Variants in UNC5C observed in about 807,000 individuals in gnomAD.
UNC5C encodes unc-5 netrin receptor C.
Under a neutral mutation model 99.8 loss-of-function variants are expected in UNC5C, and 47 were observed. The observed-to-expected ratio is 0.47, with a 90% CI of 0.37 to 0.60. The LOEUF (loss-of-function observed/expected upper bound fraction) is 0.60. UNC5C is among the 20% of genes least tolerant of loss of function. UNC5C has a pLI of 0.00. For synonymous variants in UNC5C, 487 were observed against 452.2 expected, an observed-to-expected ratio of 1.08 and a Z score of -0.98; for missense variants, 1,062 against 1,165.9, an observed-to-expected ratio of 0.91 and a Z score of 1.30.
intron 2 of UNC5C, among the ~76,000 whole-genome samples, chr4:95,305,732 C>G (rs1409195974): frequency 6.6e-6 from 1 of 152,074 alleles, no homozygotes; most frequent in Non-Finnish European, 1.5e-5. Flanking sequence ...AGTTTGGGAG[C>G]CAGAGTGCAG....
intron 1 of UNC5C, among the ~76,000 whole-genome samples, chr4:95,449,718 C>T (rs1747227801): frequency 6.6e-6 from 1 of 152,140 alleles, no homozygotes; most frequent in Non-Finnish European, 1.5e-5. Flanking sequence ...CATATAAACC[C>T]TGTACAGAAC....
intron 1 of UNC5C, among the ~76,000 whole-genome samples, chr4:95,340,656 A>G (rs1014573079): frequency 6.6e-6 from 1 of 152,134 alleles, no homozygotes; most frequent in Non-Finnish European, 1.5e-5. Context: ...TCTAACTTCA[A>G]AACAAACTTT....
intron 1 of UNC5C, among the ~76,000 whole-genome samples, chr4:95,370,845 A>G (rs569876296): frequency 6.6e-6 from 1 of 152,308 alleles, no homozygotes; most frequent in South Asian, 2.1e-4. Context: ...TGGGTTGTAC[A>G]AAAGAGTATG....
chr4:95,268,414 C>A (rs1740533047), intron 4 of UNC5C, among the ~76,000 whole-genome samples: 1 of 152,176 alleles, frequency 6.6e-6, no homozygotes, highest in Admixed American at 6.5e-5. Context: ...CAATTAAATT[C>A]TTTGCAGAGA....
chr4:95,319,518 T>C (rs1353756805), intron 2 of UNC5C, among the ~76,000 whole-genome samples: 1 of 152,226 alleles, frequency 6.6e-6, no homozygotes, highest in Non-Finnish European at 1.5e-5. Context: ...ACCCTGATAG[T>C]TGGCAAATGG....
chr4:95,466,310 G>T (rs1747776242), intron 1 of UNC5C, among the ~76,000 whole-genome samples: 1 of 152,128 alleles, frequency 6.6e-6, no homozygotes, highest in African/African-American at 2.4e-5. Flanking sequence ...CCGTTGCGGA[G>T]CTTAAAATCT....
chr4:95,178,151 C>T (rs867644946), intron 14 of UNC5C, among the ~76,000 whole-genome samples: 57 of 152,326 alleles, frequency 3.7e-4, no homozygotes, highest in Middle Eastern at 3.4e-3. Flanking sequence ...CAGGTTGCCC[C>T]GTCCTTACCG....
intron 1 of UNC5C, among the ~76,000 whole-genome samples, chr4:95,495,107 A>G (rs1224026546): frequency 6.6e-6 from 1 of 151,612 alleles, no homozygotes; most frequent in Non-Finnish European, 1.5e-5. Flanking sequence ...ATGTTTCCCT[A>G]GTGCCTCATA....
At chr4:95,452,757 G>T (rs369642229) in intron 1 of UNC5C, among the ~76,000 whole-genome samples, 10 of 152,270 alleles carry the variant, frequency 6.6e-5, no homozygotes, top group African/African-American at 2.4e-4. Flanking sequence ...GAGCATTGAG[G>T]TTTAAAGAAT....
intron 1 of UNC5C, among the ~76,000 whole-genome samples, chr4:95,398,600 T>C (rs1745594213): frequency 6.6e-6 from 1 of 152,196 alleles, no homozygotes; most frequent in African/African-American, 2.4e-5. Context: ...CTCATTTTAA[T>C]TACTAGGTTA....
intron 1 of UNC5C, among the ~76,000 whole-genome samples, chr4:95,405,728 A>G (rs367609885): frequency 2.0e-5 from 3 of 152,342 alleles, no homozygotes; most frequent in South Asian, 4.1e-4. Context: ...ACCGAAGTCC[A>G]GGTCTCCTGT....
chr4:95,251,931 G>C (rs2149382463), intron 4 of UNC5C, among the ~76,000 whole-genome samples: 1 of 152,314 alleles, frequency 6.6e-6, no homozygotes. Flanking sequence ...TGAGGTTGTA[G>C]AGTAGAGAAA....
chr4:95,454,533 C>A (rs1043506437), intron 1 of UNC5C, among the ~76,000 whole-genome samples: 38 of 151,988 alleles, frequency 2.5e-4, no homozygotes, highest in African/African-American at 8.5e-4. Context: ...ATGATGCAAG[C>A]AATTTTTCAA....
intron 2 of UNC5C, among the ~76,000 whole-genome samples, chr4:95,314,763 T>C (rs898791995): frequency 1.1e-4 from 16 of 152,202 alleles, no homozygotes; most frequent in Non-Finnish European, 5.9e-5. Context: ...GTGGTTTCAG[T>C]TTTATCTCTT....
intron 1 of UNC5C, among the ~76,000 whole-genome samples, chr4:95,448,231 A>T (rs866536638): frequency 0.07 from 9,316 of 132,710 alleles, 338 homozygotes; most frequent in African/African-American, 0.11. Flanking sequence ...TGTGTGTGAG[A>T]GAGAGAGAGA....
chr4:95,341,314 A>G (rs1225464450), intron 1 of UNC5C, among the ~76,000 whole-genome samples: 4 of 152,146 alleles, frequency 2.6e-5, no homozygotes, highest in Non-Finnish European at 2.9e-5. Flanking sequence ...TGGTTAAATA[A>G]TTTCTGAAAC....
intron 2 of UNC5C, among the ~76,000 whole-genome samples, chr4:95,322,941 A>G (rs1412091835): frequency 6.6e-6 from 1 of 151,254 alleles, no homozygotes; most frequent in African/African-American, 2.4e-5. Flanking sequence ...CTGTCTCAAA[A>G]AAAAAAAAAA....
intron 4 of UNC5C, among the ~76,000 whole-genome samples, chr4:95,256,969 A>T (rs1234030887): frequency 6.6e-6 from 1 of 151,998 alleles, no homozygotes; most frequent in Non-Finnish European, 1.5e-5. Flanking sequence ...CTGTGCTGGC[A>T]GCTGATTAGA....
intron 1 of UNC5C, among the ~76,000 whole-genome samples, chr4:95,501,702 G>A (rs184003406): frequency 2.2e-4 from 33 of 152,088 alleles, no homozygotes; most frequent in Admixed American, 6.6e-4. Context: ...AGGCAAATCA[G>A]AGAATCCAGG....
Sources: allele counts gnomAD v4.1 joint callset (sites outside exome capture counted in the v4.1 genomes callset), GRCh38; gene constraint gnomAD v4.1.1; transcripts MANE v1.5; gene names NCBI Gene and HGNC (gene_info 2026-07-23, HGNC 2026-07-21).